USP34: variants seen among roughly 807,000 people sequenced by gnomAD.
The protein encoded by USP34 is ubiquitin specific peptidase 34, also known as ubiquitin carboxyl-terminal hydrolase 34.
Under a neutral mutation model 460.3 loss-of-function variants are expected in USP34, and 70 were observed. The observed-to-expected ratio is 0.15, with a 90% CI of 0.13 to 0.19. The LOEUF (loss-of-function observed/expected upper bound fraction) is 0.19. Among genes scored for constraint, USP34 ranks in the 10% least tolerant of loss-of-function variants. The pLI, the probability that USP34 is intolerant of heterozygous loss-of-function variation, is 1.00. For missense variants in USP34, 3,985 were observed against 4,236.2 expected, an observed-to-expected ratio of 0.94 and a Z score of 1.65; for synonymous variants, 1,647 against 1,405.3, an observed-to-expected ratio of 1.17 and a Z score of -3.85.
At chr2:61,229,028 T>C in intron 59 of USP34, 33 bp from the exon 60 acceptor site, 2 of 1,487,292 alleles carry the variant, frequency 1.3e-6, no homozygotes. Context: ...TTAGAGAATG[T>C]ATGAGGTCTG....
chr2:61,465,581 G>A (rs534682864), intron 1 of USP34, among the ~76,000 whole-genome samples: 26 of 152,258 alleles, frequency 1.7e-4, no homozygotes, highest in African/African-American at 6.0e-4. Flanking sequence ...GGTAGCTCAT[G>A]CCTGTAATTC....
At chr2:61,381,985 T>C (rs1291472963) in intron 6 of USP34, among the ~76,000 whole-genome samples, 1 of 152,152 alleles carries the variant, frequency 6.6e-6, no homozygotes, top group African/African-American at 2.4e-5. Flanking sequence ...ACATCCACAA[T>C]GCTACCCTTT....
intron 42 of USP34, chr2:61,265,768 C>T: frequency 1.5e-6 from 1 of 682,608 alleles, no homozygotes; most frequent in Non-Finnish European, 2.1e-6. Flanking sequence ...TTACTTGGCC[C>T]CAAATTACTT....
In USP34 at chr2:61,231,831, ATATG is replaced by A. The variant is rs565599305; in HGVS notation, c.7113+617_7113+620del. Among the ~76,000 whole-genome samples, 12 of 149,946 alleles carry A rather than the reference ATATG, an allele frequency of 8.0e-5. No homozygotes were observed. The East Asian group carries it at 2.1e-3, about 27-fold the overall frequency. On this transcript the variant is annotated intron_variant, in intron 58 of 79. Coordinates refer to ENST00000398571, the MANE Select transcript of USP34 (RefSeq NM_014709.4). ...CCTCTAAAAAAATATATATACATAT[ATATG>A]TATGTTCTATATAAATTTATAAATA...
At chr2:61,422,570 T>C (rs568587633) in intron 1 of USP34, among the ~76,000 whole-genome samples, 1 of 152,250 alleles carries the variant, frequency 6.6e-6, no homozygotes, top group East Asian at 1.9e-4. Flanking sequence ...AGGACCAAGA[T>C]AAGGTGGTCA....
rs67471702 is a variant in USP34, at chr2:61,242,458, TACACACAC to T, written c.6628-647_6628-640del. On this transcript the variant is annotated intron_variant, in intron 51 of 79. Transcript: ENST00000398571. ...GTAAGAGTCAACCAAAGATAATACA[TACACACAC>T]ACACACACACACACACACACACACA... 7.6e-3 allele frequency among the ~76,000 whole-genome samples: 985 copies of T among 129,712 alleles called. 5 individuals are homozygous for T. The highest frequency in any genetic ancestry group is 0.012 in the East Asian group (53 of 4,286). The allele number at this position is 129,712 out of a possible 152,430, so 85.1% of individuals were successfully genotyped here.
chr2:61,382,689 C>T (rs1693009044), intron 6 of USP34, among the ~76,000 whole-genome samples: 1 of 152,176 alleles, frequency 6.6e-6, no homozygotes, highest in Non-Finnish European at 1.5e-5. Flanking sequence ...ACAGTTCATA[C>T]TTTAATTCTA....
At chr2:61,328,075 G>C (rs1340276663) in intron 20 of USP34, among the ~76,000 whole-genome samples, 2 of 152,064 alleles carry the variant, frequency 1.3e-5, no homozygotes, top group African/African-American at 4.8e-5. Context: ...GGCGGAGGCG[G>C]GTGGATCGCC....
At position 61,252,316 on chromosome 2, in the gene USP34, C is replaced by G. The variant is rs568068389; in HGVS notation, c.6222-3633G>C. Reference sequence around the variant, plus strand: ...GGTTGTAAAATGGAGATTACCTACCCGATACTATCTTTGAAACACTGCCTG... The same window carrying G: ...GGTTGTAAAATGGAGATTACCTACCGGATACTATCTTTGAAACACTGCCTG... On this transcript the variant is annotated intron_variant, in intron 48 of 79. Transcript: ENST00000398571. Among the ~76,000 whole-genome samples the G allele has an allele frequency of 2.6e-4, 40 of 152,228 alleles. No homozygotes were observed. The East Asian group carries it at 4.2e-3, about 16-fold the overall frequency.
chr2:61,374,995 C>A (rs778071600), intron 8 of USP34, among the ~76,000 whole-genome samples: 2 of 152,136 alleles, frequency 1.3e-5, no homozygotes, highest in African/African-American at 4.8e-5. Context: ...ATACCCCATA[C>A]GACAACAGCA....
At chr2:61,245,940 T>C (rs921109404) in intron 50 of USP34, among the ~76,000 whole-genome samples, 11 of 152,196 alleles carry the variant, frequency 7.2e-5, no homozygotes, top group African/African-American at 2.4e-4. Context: ...GAAGTGTGTG[T>C]GGTCCTCCCA....
intron 21 of USP34, among the ~76,000 whole-genome samples, chr2:61,322,034 G>C (rs866049607): frequency 2.6e-5 from 4 of 152,248 alleles, no homozygotes; most frequent in Middle Eastern, 3.4e-3. Context: ...TTCGAGACCA[G>C]CCTGACCAAC....
chr2:61,342,429 T>C (rs1691633624), intron 16 of USP34, among the ~76,000 whole-genome samples: 2 of 151,214 alleles, frequency 1.3e-5, no homozygotes, highest in Non-Finnish European at 2.9e-5. Flanking sequence ...GCCTCCCAAG[T>C]AGCTGGGACT....
intron 32 of USP34, among the ~76,000 whole-genome samples, chr2:61,293,847 T>C (rs1437731451): frequency 6.6e-6 from 1 of 151,852 alleles, no homozygotes; most frequent in African/African-American, 2.4e-5. Flanking sequence ...AGACCTCATC[T>C]CTACAAAAAA....
At chr2:61,333,565 C>G (rs1380758731) in intron 19 of USP34, among the ~76,000 whole-genome samples, 1 of 152,042 alleles carries the variant, frequency 6.6e-6, no homozygotes, top group Non-Finnish European at 1.5e-5. Context: ...TAAAGGCATG[C>G]CAGAGTTTAC....
chr2:61,393,621 G>A (rs1293102255), intron 5 of USP34, among the ~76,000 whole-genome samples: 1 of 152,012 alleles, frequency 6.6e-6, no homozygotes, highest in Non-Finnish European at 1.5e-5. Flanking sequence ...CACAGCATTG[G>A]AAACAATGCA....
intron 3 of USP34, among the ~76,000 whole-genome samples, chr2:61,400,946 T>G (rs116911435): frequency 2.6e-5 from 4 of 151,964 alleles, no homozygotes; most frequent in Non-Finnish European, 5.9e-5. Flanking sequence ...GATCAAGTGA[T>G]TGAGACCATC....
At chr2:61,280,990 T>C (rs1689520514) in intron 38 of USP34, 100 bp downstream of exon 38, 2 of 1,266,400 alleles carry the variant, frequency 1.6e-6, no homozygotes, top group African/African-American at 3.0e-5. Flanking sequence ...TCACATACAG[T>C]AGTCAAATGA....
chr2:61,236,883 G>A (rs571285880), intron 53 of USP34, among the ~76,000 whole-genome samples: 1 of 152,206 alleles, frequency 6.6e-6, no homozygotes, highest in South Asian at 2.1e-4. Context: ...CCTTAAATAT[G>A]ACTTACATTT....
Sources: gnomAD v4.1 joint callset for allele counts (sites outside exome capture counted in the v4.1 genomes callset) on GRCh38, gnomAD v4.1.1 for gene constraint, MANE v1.5 for transcripts, NCBI Gene and HGNC (gene_info 2026-07-23, HGNC 2026-07-21) for gene names.